DMXL1: variants seen among roughly 807,000 people sequenced by gnomAD.
DMXL1 encodes the protein Dmx like 1.
DMXL1 carries 99 observed loss-of-function variants against 319.2 expected under a neutral mutation model. The ratio of observed to expected loss-of-function variants is 0.31; its 90% CI spans 0.26 to 0.37. The LOEUF is 0.37. DMXL1 is among the 10% of genes least tolerant of loss of function. The pLI, the probability that DMXL1 is intolerant of heterozygous loss-of-function variation, is 1.00. For synonymous variants in DMXL1, 1,385 were observed against 1,235.2 expected (o/e 1.12, Z -2.54); for missense variants, 3,745 against 3,595.6 (o/e 1.04, Z -1.06).
intron 32 of DMXL1, 145 bp from the exon 33 acceptor site, chr5:119,203,174 G>A: frequency 2.0e-6 from 1 of 500,586 alleles, no homozygotes; most frequent in South Asian, 3.3e-5. Flanking sequence ...ATCCTTTAAG[G>A]AAAAGGTTGG....
At position 119,211,082 on chromosome 5, in the gene DMXL1, A is replaced by T. The variant is rs555397493; in HGVS notation, c.7926+4186A>T. 2.5e-4 allele frequency among the ~76,000 whole-genome samples: 35 copies of T among 142,566 alleles called. 1 individual carries two copies. In the South Asian group the frequency reaches 5.5e-3, roughly 22 times the overall value. The allele number at this position is 142,566 out of a possible 152,430, so 93.5% of individuals were successfully genotyped here. On this transcript the variant is annotated intron_variant, in intron 34 of 43. Transcript: ENST00000539542. ...AGTATGATAGGTTAAGGATTTTTTT[A>T]AAAAATGTTAAACCAATCTAGCATT...
chr5:119,240,827 A>G (rs527468647), intron 42 of DMXL1, among the ~76,000 whole-genome samples: 3 of 152,336 alleles, frequency 2.0e-5, no homozygotes, highest in South Asian at 4.1e-4. Context: ...ACACAATAAT[A>G]GGAAATAAAA....
intron 2 of DMXL1, among the ~76,000 whole-genome samples, chr5:119,100,841 G>A (rs1303657431): frequency 7.8e-6 from 1 of 127,438 alleles, no homozygotes; most frequent in Non-Finnish European, 1.6e-5. Flanking sequence ...GTGCAGTGGC[G>A]TGAACTCGGC....
chr5:119,132,148 C>T (rs1396401736), intron 10 of DMXL1, among the ~76,000 whole-genome samples: 1 of 152,086 alleles, frequency 6.6e-6, no homozygotes, highest in Admixed American at 6.5e-5. Context: ...ATAGATTGAA[C>T]CATTCTGGTG....
chr5:119,229,390 A>C (rs889608952), intron 38 of DMXL1, among the ~76,000 whole-genome samples: 2 of 152,182 alleles, frequency 1.3e-5, no homozygotes, highest in Non-Finnish European at 2.9e-5. Flanking sequence ...CTCCAGTAAA[A>C]CTTTGCACCA....
Position 119,182,705 on chromosome 5 carries a change from A to C in DMXL1, c.7135+4461A>C, listed in dbSNP as rs753841720. Among the ~76,000 whole-genome samples the C allele has an allele frequency of 1.0e-3, 159 of 152,140 alleles. 1 individual carries two copies. Among genetic ancestry groups the C allele is most frequent in the Non-Finnish European group, 7.5e-4 (51 of 68,000 alleles). ...AAATTCTTAACAAAAATGTTAATGT[A>C]CATAAATTAACTTAATCAAATTTTT... is the stretch of plus-strand genomic sequence containing the variant. On this transcript the variant is annotated intron_variant, in intron 28 of 43. Transcript: ENST00000539542.
chr5:119,127,672 C>G (rs367712934), intron 9 of DMXL1: 7 of 179,002 alleles, frequency 3.9e-5, no homozygotes, highest in African/African-American at 1.7e-4. Flanking sequence ...CCCCTGGCCT[C>G]AAGTGATTTG....
chr5:119,229,132 T>G (rs1184911134), intron 38 of DMXL1, among the ~76,000 whole-genome samples: 2 of 144,070 alleles, frequency 1.4e-5, no homozygotes, highest in African/African-American at 5.2e-5. Flanking sequence ...CTGGGCAATA[T>G]AGGGAGACCC....
At chr5:119,246,630 CTTTT>C (rs11284492) in intron 43 of DMXL1, among the ~76,000 whole-genome samples, 3 of 70,402 alleles carry the variant, frequency 4.3e-5, no homozygotes, top group Non-Finnish European at 9.0e-5. Context: ...TTTTCTTTTC[CTTTT>C]TTTTTTTTTT....
At chr5:119,121,511 TG>T (rs1399925374) in intron 9 of DMXL1, among the ~76,000 whole-genome samples, 3 of 152,172 alleles carry the variant, frequency 2.0e-5, no homozygotes, top group Non-Finnish European at 4.4e-5. Flanking sequence ...TTCAGGCATC[TG>T]TTTAACAAAG....
chr5:119,096,753 A>T (rs1472313110), intron 1 of DMXL1, among the ~76,000 whole-genome samples: 1 of 152,178 alleles, frequency 6.6e-6, no homozygotes, highest in Non-Finnish European at 1.5e-5. Context: ...AAAAAGAGCT[A>T]TGAAATGCTT....
At chr5:119,151,239 A>T (rs1167710290) in intron 18 of DMXL1, among the ~76,000 whole-genome samples, 6 of 152,156 alleles carry the variant, frequency 3.9e-5, no homozygotes, top group African/African-American at 1.2e-4. Flanking sequence ...TTTAAAAAAA[A>T]AATACTGCCA....
At chr5:119,166,460 T>G (rs183539888) in intron 21 of DMXL1, among the ~76,000 whole-genome samples, 156 bp from the exon 22 acceptor site, 1 of 152,378 alleles carries the variant, frequency 6.6e-6, no homozygotes, top group African/African-American at 2.4e-5. Flanking sequence ...GTTTACCTAA[T>G]ATAATTTTTA....
intron 1 of DMXL1, 91 bp from the exon 2 acceptor site, chr5:119,097,888 C>T: frequency 1.7e-6 from 2 of 1,153,528 alleles, no homozygotes; most frequent in Non-Finnish European, 1.2e-6. Context: ...ATTTATTCTC[C>T]CTGCCTTAAA....
intron 1 of DMXL1, among the ~76,000 whole-genome samples, chr5:119,085,333 AAAATAAATAAATAAAT>A (rs202033508): frequency 2.0e-5 from 3 of 150,808 alleles, no homozygotes; most frequent in African/African-American, 4.9e-5. Context: ...CTTTGTCTCA[AAAATAAATAAATAAAT>A]AAATAAATAA....
intron 19 of DMXL1, 40 bp downstream of exon 19, chr5:119,152,076 G>T: frequency 1.4e-6 from 2 of 1,389,190 alleles, no homozygotes; most frequent in Non-Finnish European, 1.0e-6. Context: ...AATAAAGCGA[G>T]TAGAAAATGA....
In DMXL1 at chr5:119,170,670, A is replaced by G. The variant is rs778846347; in HGVS notation, c.5879A>G (p.Gln1960Arg). ...FDWSQPSVVF[Q>R]DDSLELKWDS... Reference sequence around the variant, plus strand: ...TGGAGCCAACCAAGTGTTGTGTTTCAGGATGACTCTTTAGAGTTAAAATGG... The same window carrying G: ...TGGAGCCAACCAAGTGTTGTGTTTCGGGATGACTCTTTAGAGTTAAAATGG... The change falls in exon 24 of 44, where the codon CAG becomes CGG. Residue 1960 changes from glutamine to arginine, a missense_variant. Gln to Arg is a conservative substitution (Grantham distance 43). This residue lies in a region of DMXL1 where 1,382 missense variants were observed against 1,269.5 expected (regional missense o/e 1.09). Transcript: ENST00000539542. 1 of 1,613,722 alleles carries G rather than the reference A, an allele frequency of 6.2e-7. No individual in the cohort carries two copies. Among genetic ancestry groups the G allele is most frequent in the African/African-American group, 1.3e-5 (1 of 74,926 alleles).
chr5:119,079,291 TCTCTCCTC>T (rs1751668501), intron 1 of DMXL1, among the ~76,000 whole-genome samples: 1 of 152,166 alleles, frequency 6.6e-6, no homozygotes, highest in African/African-American at 2.4e-5. Flanking sequence ...ATTCTTTCCT[TCTCTCCTC>T]CTGGTACAAT....
rs190160960 is a variant in DMXL1, at chr5:119,209,393, C to T, written c.7926+2497C>T. ...AAAGGCAGGGTCTCACTGTGTCTCC[C>T]AGGCTGGGTGTAGTGGTGTGATTGC... On this transcript the variant is annotated intron_variant, in intron 34 of 43. Coordinates refer to ENST00000539542, the MANE Select transcript of DMXL1 (RefSeq NM_001290321.3). Among the ~76,000 whole-genome samples the T allele has an allele frequency of 5.8e-4, 87 of 151,168 alleles. 1 individual carries two copies. The East Asian group carries it at 0.01, about 17-fold the overall frequency.
Sources: allele counts gnomAD v4.1 joint callset (sites outside exome capture counted in the v4.1 genomes callset), GRCh38; gene constraint gnomAD v4.1.1; regional missense constraint gnomAD v4.1.1; transcripts MANE v1.5; gene names NCBI Gene and HGNC (gene_info 2026-07-23, HGNC 2026-07-21).